KIZ: variants seen among roughly 807,000 people sequenced by gnomAD.
KIZ encodes kizuna centrosomal protein.
A neutral mutation model predicts 79.6 loss-of-function variants in KIZ; 68 were observed. That is an observed-to-expected ratio of 0.85 (90% CI 0.70 to 1.05). The LOEUF (loss-of-function observed/expected upper bound fraction) is 1.05, where lower values mean the gene tolerates loss of function less well. KIZ is among the 50% of genes least tolerant of loss of function. The pLI is 0.00. For missense variants in KIZ, 797 were observed against 800.4 expected, an observed-to-expected ratio of 1.00 and a Z score of 0.05; for synonymous variants, 280 against 281.8, an observed-to-expected ratio of 0.99 and a Z score of 0.06.
intron 6 of KIZ, among the ~76,000 whole-genome samples, chr20:21,190,369 T>C (rs991957383): frequency 6.6e-6 from 1 of 152,252 alleles, no homozygotes; most frequent in African/African-American, 2.4e-5. Context: ...TACACCTCTG[T>C]AAAAGGATTA....
intron 9 of KIZ, among the ~76,000 whole-genome samples, chr20:21,217,838 T>A (rs1318247458): frequency 6.6e-6 from 1 of 152,126 alleles, no homozygotes; most frequent in Non-Finnish European, 1.5e-5. Flanking sequence ...CCCCAGCATT[T>A]CCAAACCAGC....
rs142045217 is a variant in KIZ at position 21,126,566 on chromosome 20, C to T, written c.89+362C>T. On this transcript the variant is annotated intron_variant, in intron 1 of 12. Coordinates refer to ENST00000619189, the MANE Select transcript of KIZ (RefSeq NM_018474.6). ...GTTTCTCTTGTCCCCTTTTACACGC[C>T]CCCTCCCCACTCTCTTCAAATTGCC... Among the ~76,000 whole-genome samples the T allele has an allele frequency of 1.1e-3, 172 of 152,236 alleles. 2 individuals are homozygous for T. The highest frequency in any genetic ancestry group is 4.0e-3 in the African/African-American group (168 of 41,528).
intron 9 of KIZ, among the ~76,000 whole-genome samples, chr20:21,217,625 T>C (rs182110200): frequency 1.3e-5 from 2 of 152,304 alleles, no homozygotes; most frequent in East Asian, 1.9e-4. Flanking sequence ...GCTCTTTTAC[T>C]CCTTGCTCTG....
At chr20:21,149,513 G>A (rs1393482383) in intron 4 of KIZ, among the ~76,000 whole-genome samples, 1 of 152,212 alleles carries the variant, frequency 6.6e-6, no homozygotes, top group Non-Finnish European at 1.5e-5. Flanking sequence ...AAGCCTGCAC[G>A]GCCACAGGAG....
intron 6 of KIZ, among the ~76,000 whole-genome samples, chr20:21,170,348 A>G (rs1275449982): frequency 6.6e-6 from 1 of 151,678 alleles, no homozygotes; most frequent in East Asian, 1.9e-4. Context: ...ATTATTATTT[A>G]CTATAGTCAT....
intron 6 of KIZ, chr20:21,166,374 A>C (rs925607121): frequency 1.1e-5 from 17 of 1,599,894 alleles, no homozygotes; most frequent in Non-Finnish European, 1.4e-5. Flanking sequence ...TCTGGAGCTG[A>C]TCACTCCACA....
At chr20:21,235,002 C>T (rs968209695) in intron 11 of KIZ, among the ~76,000 whole-genome samples, 3 of 152,094 alleles carry the variant, frequency 2.0e-5, no homozygotes. Flanking sequence ...TTTCAGCCGC[C>T]TTTGAGAGAT....
In KIZ at chr20:21,136,463, C is replaced by CG. The variant is rs2032194494; in HGVS notation, c.227dup (p.Asn77LysfsTer9). 7 of 1,587,176 alleles carry CG rather than the reference C, an allele frequency of 4.4e-6. No homozygotes were observed. Among genetic ancestry groups the CG allele is most frequent in the African/African-American group, 1.3e-5 (1 of 74,508 alleles). Reference sequence around the variant, plus strand: ...TGAATCTGAAAAGAAGGCTCATACTCGAAACCAAGAATATTTAAAGCGATT... The same window carrying CG: ...TGAATCTGAAAAGAAGGCTCATACTCGGAAACCAAGAATATTTAAAGCGATT... On this transcript the variant is annotated frameshift_variant, in exon 3 of 13. Coordinates refer to ENST00000619189, the MANE Select transcript of KIZ (RefSeq NM_018474.6). LOFTEE classifies it high-confidence loss of function.
At chr20:21,168,528 A>G (rs184076884) in intron 6 of KIZ, among the ~76,000 whole-genome samples, 70 of 152,328 alleles carry the variant, frequency 4.6e-4, no homozygotes, top group African/African-American at 1.5e-3. Context: ...TATAGATTCA[A>G]TGCCATCCCC....
At chr20:21,138,771 A>G (rs1400149275) in intron 3 of KIZ, among the ~76,000 whole-genome samples, 5 of 152,044 alleles carry the variant, frequency 3.3e-5, no homozygotes, top group African/African-American at 9.7e-5. Flanking sequence ...CCTTTTACCT[A>G]ATGGTTTTAG....
intron 3 of KIZ, among the ~76,000 whole-genome samples, chr20:21,141,107 C>T (rs949435319): frequency 3.9e-5 from 6 of 152,104 alleles, no homozygotes; most frequent in Non-Finnish European, 4.4e-5. Context: ...CCTCATTCTG[C>T]CCCCCTACTC....
At chr20:21,211,471 G>T (rs1037333568) in intron 7 of KIZ, among the ~76,000 whole-genome samples, 1 of 152,150 alleles carries the variant, frequency 6.6e-6, no homozygotes, top group Non-Finnish European at 1.5e-5. Context: ...TCTGGCCTCC[G>T]AAAAGAGAGC....
At chr20:21,189,334 C>T (rs2035018978) in intron 6 of KIZ, among the ~76,000 whole-genome samples, 1 of 152,068 alleles carries the variant, frequency 6.6e-6, no homozygotes, top group Admixed American at 6.6e-5. Flanking sequence ...AGTTTGGGAT[C>T]CATAGAATTA....
intron 9 of KIZ, among the ~76,000 whole-genome samples, chr20:21,224,541 G>A (rs1195165622): frequency 6.6e-6 from 1 of 152,216 alleles, no homozygotes; most frequent in Non-Finnish European, 1.5e-5. Flanking sequence ...TATAGAAATA[G>A]CAGTTATCCT....
chr20:21,187,806 A>T (rs1157242835), intron 6 of KIZ, among the ~76,000 whole-genome samples: 6 of 152,228 alleles, frequency 3.9e-5, no homozygotes, highest in Non-Finnish European at 8.8e-5. Context: ...TTAATGATAG[A>T]ACTGATTATA....
chr20:21,147,101 G>A (rs916830892), intron 4 of KIZ, among the ~76,000 whole-genome samples: 3 of 152,066 alleles, frequency 2.0e-5, no homozygotes, highest in East Asian at 1.9e-4. Context: ...TTCTTAGCAC[G>A]GCAGTGTCAA....
chr20:21,133,291 A>T (rs1036935496), intron 2 of KIZ: 1 of 152,228 alleles, frequency 6.6e-6, no homozygotes, highest in African/African-American at 2.4e-5. Flanking sequence ...CAGCCGTATG[A>T]CTCTAGTAAC....
chr20:21,154,361 T>A (rs546949850), intron 4 of KIZ, among the ~76,000 whole-genome samples: 141 of 152,324 alleles, frequency 9.3e-4, no homozygotes, highest in African/African-American at 3.3e-3. Context: ...TGATCTCTTC[T>A]TATGCTCACT....
chr20:21,190,803 T>C, intron 6 of KIZ, among the ~76,000 whole-genome samples: 1 of 152,252 alleles, frequency 6.6e-6, no homozygotes. Context: ...AGTAATCTTT[T>C]TCTATCCAGA....
Sources: gnomAD v4.1 joint callset for allele counts (sites outside exome capture counted in the v4.1 genomes callset) on GRCh38, gnomAD v4.1.1 for gene constraint, MANE v1.5 for transcripts, NCBI Gene and HGNC (gene_info 2026-07-23, HGNC 2026-07-21) for gene names.